The following PCCA variants were observed in gnomAD, a reference collection of about 807,000 sequenced individuals.
PCCA encodes propionyl-CoA carboxylase subunit alpha, also known as propionyl-CoA carboxylase alpha chain, mitochondrial.
Under a neutral mutation model 101.3 loss-of-function variants are expected in PCCA, and 74 were observed. That is an observed-to-expected ratio of 0.73 (90% CI 0.61 to 0.89). The LOEUF (loss-of-function observed/expected upper bound fraction) is 0.89, where lower values mean the gene tolerates loss of function less well. PCCA is among the 40% of genes least tolerant of loss of function. The probability of loss-of-function intolerance (pLI) is 0.00; values close to 1 mark genes in which losing one functional copy is unlikely to be tolerated. For missense variants in PCCA, 891 were observed against 907.0 expected (o/e 0.98, Z 0.23); for synonymous variants, 294 against 313.6 (o/e 0.94, Z 0.66).
At chr13:100,186,278 A>T (rs1411177741) in intron 6 of PCCA, among the ~76,000 whole-genome samples, 1 of 152,202 alleles carries the variant, frequency 6.6e-6, no homozygotes, top group Non-Finnish European at 1.5e-5. Context: ...CGTTTGAAAC[A>T]ATTGTGTATC....
chr13:100,393,818 A>G (rs1268685572), intron 19 of PCCA, among the ~76,000 whole-genome samples: 1 of 152,218 alleles, frequency 6.6e-6, no homozygotes, highest in Non-Finnish European at 1.5e-5. Flanking sequence ...TTTTTTAACC[A>G]CTTCTACTTA....
At chr13:100,267,086 A>G (rs192137785) in intron 10 of PCCA, among the ~76,000 whole-genome samples, 21 of 152,332 alleles carry the variant, frequency 1.4e-4, no homozygotes, top group Non-Finnish European at 2.4e-4. Context: ...CTGGGAGACT[A>G]TACAGAATTT....
chr13:100,411,066 A>G (rs2078020761), intron 19 of PCCA, among the ~76,000 whole-genome samples: 1 of 152,130 alleles, frequency 6.6e-6, no homozygotes, highest in Non-Finnish European at 1.5e-5. Context: ...AAATGTTTGG[A>G]ATCAGAGGTA....
chr13:100,192,013 T>C (rs931423011), intron 6 of PCCA, among the ~76,000 whole-genome samples: 1 of 152,336 alleles, frequency 6.6e-6, no homozygotes, highest in Admixed American at 6.5e-5. Flanking sequence ...ACGTGTTAAA[T>C]TGTAAGAGTA....
At chr13:100,410,862 A>G (rs1490599200) in intron 19 of PCCA, among the ~76,000 whole-genome samples, 1 of 152,036 alleles carries the variant, frequency 6.6e-6, no homozygotes, top group Non-Finnish European at 1.5e-5. Flanking sequence ...TTTTTTCTAT[A>G]ATATATACTC....
chr13:100,417,062 C>T (rs538064397), intron 19 of PCCA, among the ~76,000 whole-genome samples: 76 of 152,188 alleles, frequency 5.0e-4, no homozygotes, highest in Non-Finnish European at 9.4e-4. Flanking sequence ...AGGCTAGTCT[C>T]GAACTCCCAA....
intron 21 of PCCA, among the ~76,000 whole-genome samples, chr13:100,460,437 T>C (rs2082094124): frequency 1.3e-5 from 2 of 152,198 alleles, no homozygotes. Context: ...GAAAATAAGC[T>C]TAGACTCCAT....
At chr13:100,354,334 G>A (rs1447662413) in intron 18 of PCCA, among the ~76,000 whole-genome samples, 1 of 100,340 alleles carries the variant, frequency 1.0e-5, no homozygotes, top group African/African-American at 3.7e-5. Context: ...AGAAAGAGAG[G>A]GGGCGGTGGG....
At chr13:100,176,551 A>T (rs1226046170) in intron 6 of PCCA, among the ~76,000 whole-genome samples, 4 of 152,206 alleles carry the variant, frequency 2.6e-5, no homozygotes, top group Admixed American at 2.6e-4. Flanking sequence ...TTGTGGTGCT[A>T]GTCAAAACTT....
intron 16 of PCCA, among the ~76,000 whole-genome samples, chr13:100,316,005 A>G (rs1054474338): frequency 2.0e-5 from 3 of 152,226 alleles, no homozygotes; most frequent in Non-Finnish European, 4.4e-5. Context: ...GATACTGTTT[A>G]GTGCTTCAGT....
intron 22 of PCCA, among the ~76,000 whole-genome samples, chr13:100,523,964 G>A (rs2087511360): frequency 6.6e-6 from 1 of 152,254 alleles, no homozygotes; most frequent in African/African-American, 2.4e-5. Flanking sequence ...AATGGTGGAG[G>A]GCCCTCTCTG....
chr13:100,379,101 G>A (rs1002215144), intron 19 of PCCA, among the ~76,000 whole-genome samples: 1 of 152,116 alleles, frequency 6.6e-6, no homozygotes, highest in Admixed American at 6.5e-5. Context: ...TCCTGAAGAT[G>A]TATCCATGCT....
At chr13:100,285,953 C>G (rs1284411520) in intron 12 of PCCA, among the ~76,000 whole-genome samples, 2 of 152,170 alleles carry the variant, frequency 1.3e-5, no homozygotes, top group African/African-American at 2.4e-5. Context: ...ACTAGTGCAT[C>G]ACCCTCTCAC....
chr13:100,526,501 C>G (rs570406927), intron 22 of PCCA, among the ~76,000 whole-genome samples: 2 of 152,214 alleles, frequency 1.3e-5, no homozygotes, highest in Admixed American at 6.5e-5. Flanking sequence ...AGACAGCTTG[C>G]GCCACACGGG....
intron 21 of PCCA, among the ~76,000 whole-genome samples, chr13:100,509,825 T>TG (rs1446113880): frequency 1.7e-4 from 23 of 136,444 alleles, no homozygotes; most frequent in African/African-American, 4.4e-4. Flanking sequence ...GTTTTGTGTT[T>TG]TTTTTGTTTT....
At chr13:100,320,861 C>T (rs975141905) in intron 16 of PCCA, among the ~76,000 whole-genome samples, 2 of 152,116 alleles carry the variant, frequency 1.3e-5, no homozygotes, top group African/African-American at 4.8e-5. Flanking sequence ...AAGTGATCTC[C>T]CTGCCTCTGA....
intron 4 of PCCA, among the ~76,000 whole-genome samples, chr13:100,145,953 T>C (rs895584004): frequency 2.0e-5 from 3 of 151,054 alleles, no homozygotes; most frequent in African/African-American, 7.3e-5. Context: ...TTTTTTTTTT[T>C]TGAGACAGAG....
chr13:100,410,247 T>C (rs1433672564), intron 19 of PCCA, among the ~76,000 whole-genome samples: 1 of 152,138 alleles, frequency 6.6e-6, no homozygotes, highest in African/African-American at 2.4e-5. Flanking sequence ...TTGTTTTGTT[T>C]TGTTTTGTTT....
chr13:100,100,487 T>G (rs1212625576), intron 1 of PCCA, among the ~76,000 whole-genome samples: 1 of 152,212 alleles, frequency 6.6e-6, no homozygotes, highest in Non-Finnish European at 1.5e-5. Flanking sequence ...TGTAGCCAGT[T>G]TGTTACATGC....
Sources: allele counts gnomAD v4.1 joint callset (sites outside exome capture counted in the v4.1 genomes callset), GRCh38; gene constraint gnomAD v4.1.1; transcripts MANE v1.5; gene names NCBI Gene and HGNC (gene_info 2026-07-23, HGNC 2026-07-21).